Variants in PCBP2 observed in about 807,000 individuals in gnomAD.
PCBP2 encodes poly(rC) binding protein 2, also known as poly(rC)-binding protein 2.
A neutral mutation model predicts 50.1 loss-of-function variants in PCBP2; 4 were observed. That is an observed-to-expected ratio of 0.08 (90% CI 0.04 to 0.18). PCBP2 has a LOEUF of 0.18. PCBP2 is among the 10% of genes least tolerant of loss of function. PCBP2 has a pLI of 1.00. For missense variants in PCBP2, 161 were observed against 474.3 expected (o/e 0.34, Z 6.14); for synonymous variants, 179 against 168.0 (o/e 1.07, Z -0.51).
intron 6 of PCBP2, chr12:53,459,880 C>T (rs753992389): frequency 6.6e-6 from 3 of 454,396 alleles, no homozygotes; most frequent in South Asian, 4.7e-5. Context: ...CTCATCTCAG[C>T]CTCCCAAGGA....
At chr12:53,465,728 C>T (rs1042793776) in intron 9 of PCBP2, among the ~76,000 whole-genome samples, 5 of 152,100 alleles carry the variant, frequency 3.3e-5, no homozygotes, top group African/African-American at 4.8e-5. Context: ...TAGGATTCCC[C>T]GGAACAAAGT....
intron 13 of PCBP2, among the ~76,000 whole-genome samples, chr12:53,469,989 C>A (rs1056011336): frequency 6.6e-6 from 1 of 151,918 alleles, no homozygotes; most frequent in African/African-American, 2.4e-5. Context: ...TACGTGATCC[C>A]CCCCCTTCAG....
At chr12:53,468,052 G>A (rs1308231325) in intron 12 of PCBP2, 1 of 580,216 alleles carries the variant, frequency 1.7e-6, no homozygotes, top group Non-Finnish European at 3.1e-6. Context: ...AGCAGCCATA[G>A]CTGAGATCAG....
At chr12:53,459,921 C>T (rs887966388) in intron 6 of PCBP2, 4 of 447,300 alleles carry the variant, frequency 8.9e-6, no homozygotes, top group South Asian at 6.2e-5. Context: ...CCACCACACC[C>T]AAATTTTTGT....
At chr12:53,465,045 T>C (rs1326981142) in intron 9 of PCBP2, 193 bp downstream of exon 9, 1 of 510,926 alleles carries the variant, frequency 2.0e-6, no homozygotes, top group African/African-American at 2.0e-5. Flanking sequence ...ACACCAACTT[T>C]TTTTTTTTTT....
At position 53,468,800 on chromosome 12, in the gene PCBP2, A is replaced by G. The variant is rs1375797319; in HGVS notation, c.850A>G (p.Thr284Ala). The G allele has an allele frequency of 3.7e-6, 6 of 1,613,738 alleles. No individual in the cohort carries two copies. The South Asian group carries it at 5.5e-5, about 15-fold the overall frequency. The stretch of plus-strand genomic sequence containing the variant: ...AGCAGGTTTGGATGCATCTGCTCAG[A>G]CTACTTCTCATGAACTCACCATTCC... ...YWAGLDASAQ[T>A]TSHELTIPND... Residue 284 changes from threonine (T) to alanine (A), a missense_variant, in exon 13 of 15, where the codon ACT (threonine) becomes GCT (alanine). Thr to Ala is a moderately conservative substitution (Grantham distance 58). Around this residue, in one of 7 missense-constraint regions of PCBP2, gnomAD observed 51 missense variants for 193.0 expected, o/e 0.26. Coordinates refer to ENST00000546463, the MANE Select transcript of PCBP2 (RefSeq NM_031989.5).
intron 14 of PCBP2, 105 bp downstream of exon 14, chr12:53,471,912 G>A: frequency 1.3e-6 from 1 of 778,942 alleles, no homozygotes; most frequent in South Asian, 2.5e-5. Flanking sequence ...GATGGGTAAA[G>A]ATGGCCAAAA....
chr12:53,471,921 A>G, intron 14 of PCBP2, 114 bp downstream of exon 14: 2 of 814,836 alleles, frequency 2.5e-6, no homozygotes, highest in South Asian at 2.8e-5. Context: ...AGATGGCCAA[A>G]AGGTTTTTTT....
chr12:53,461,249 C>T, intron 7 of PCBP2, 106 bp downstream of exon 7: 3 of 1,282,558 alleles, frequency 2.3e-6, no homozygotes, highest in South Asian at 1.4e-5. Flanking sequence ...GTTAAGGCTT[C>T]CAGTGGGGGT....
chr12:53,458,122 C>T (rs900130031), intron 5 of PCBP2, among the ~76,000 whole-genome samples: 5 of 151,584 alleles, frequency 3.3e-5, no homozygotes, highest in Admixed American at 1.3e-4. Flanking sequence ...AGAGACGGGG[C>T]TTCACCATGT....
rs756139507 is a variant in PCBP2 at position 53,459,282 on chromosome 12, G to C, written c.254G>C (p.Ser85Thr). The C allele has an allele frequency of 3.5e-5, 56 of 1,610,750 alleles. No homozygotes were observed. Among genetic ancestry groups the C allele is most frequent in the Non-Finnish European group, 4.4e-5 (52 of 1,178,326 alleles). ...TCTTTCTTTCTGTAGGACATAAGCA[G>C]CTCTATGACCAATAGCACAGCTGCC... is the stretch of plus-strand genomic sequence containing the variant. ...IIDKLEEDIS[S>T]SMTNSTAASR... Residue 85 changes from serine (S) to threonine (T), a missense_variant, in exon 6 of 15, where the codon AGC becomes ACC. Ser to Thr is a moderately conservative substitution (Grantham distance 58, BLOSUM62 1). Around this residue, in one of 7 missense-constraint regions of PCBP2, gnomAD observed 24 missense variants for 37.1 expected, o/e 0.65. Transcript: ENST00000546463.
intron 8 of PCBP2, among the ~76,000 whole-genome samples, chr12:53,464,078 G>T (rs548044390): frequency 6.6e-6 from 1 of 152,222 alleles, no homozygotes; most frequent in South Asian, 2.1e-4. Context: ...AGTCAGAGTT[G>T]GGCAGGATAA....
Position 53,481,111 on chromosome 12 carries a change from ATATATATATATATG to A in PCBP2, c.*1682_*1695del. Reference sequence around the variant, plus strand: ...TCTTTCTGTTGATTATGTGGCGCATATATATATATATATGTATATATATATAATTTATATAAATA... The same window carrying A: ...TCTTTCTGTTGATTATGTGGCGCATATATATATATATAATTTATATAAATA... On this transcript the variant is annotated 3_prime_UTR_variant, in exon 15 of 15. Transcript: ENST00000546463. The A allele has an allele frequency of 1.8e-6, 1 of 556,396 alleles. No individual in the cohort carries two copies. The highest frequency in any genetic ancestry group is 2.5e-6 in the Non-Finnish European group (1 of 407,446). 34.5% of individuals were successfully genotyped at this position (556,396 alleles called of 1,614,324 possible).
At chr12:53,452,733 CG>C (rs1940652355) in intron 1 of PCBP2, 1 of 151,702 alleles carries the variant, frequency 6.6e-6, no homozygotes, top group South Asian at 2.1e-4. Context: ...CGGCTCCCCG[CG>C]GGGGTCAGGC....
chr12:53,452,383 C>T lies in PCBP2; in HGVS notation c.-76+7C>T, dbSNP rs1940595563. 1 of 147,812 alleles carries T rather than the reference C, an allele frequency of 6.8e-6. No homozygotes were observed. The highest frequency in any genetic ancestry group is 1.5e-5 in the Non-Finnish European group (1 of 66,984). The allele number at this position is 147,812 out of a possible 1,614,324, so 9.2% of individuals were successfully genotyped here. On this transcript the variant is annotated splice_region_variant and intron_variant, in intron 1 of 14. Coordinates refer to ENST00000546463, the MANE Select transcript of PCBP2 (RefSeq NM_031989.5). The stretch of plus-strand genomic sequence containing the variant: ...AGTCGCCTCGCGCCTGCAGGTAAGC[C>T]TAAAAATTTCCCTTGCGCCCCCGGC...
chr12:53,466,224 C>T (rs1271693915), intron 10 of PCBP2, among the ~76,000 whole-genome samples: 2 of 152,194 alleles, frequency 1.3e-5, no homozygotes, highest in African/African-American at 2.4e-5. Context: ...TTTCAGATTA[C>T]CCTGTTTCTA....
chr12:53,452,398 G>C (rs1458907115), intron 1 of PCBP2, 22 bp downstream of exon 1: 2 of 140,178 alleles, frequency 1.4e-5, no homozygotes, highest in Non-Finnish European at 3.1e-5. Flanking sequence ...AATTTCCCTT[G>C]CGCCCCCGGC....
At chr12:53,467,155 T>C in intron 10 of PCBP2, 66 bp from the exon 11 acceptor site, 1 of 1,258,714 alleles carries the variant, frequency 7.9e-7, no homozygotes, top group Non-Finnish European at 1.1e-6. Context: ...ATTTTCAAAT[T>C]CGAATGTGCT....
At chr12:53,464,571 A>T in intron 8 of PCBP2, 189 bp from the exon 9 acceptor site, 5 of 657,492 alleles carry the variant, frequency 7.6e-6, no homozygotes, top group Non-Finnish European at 5.0e-6. Context: ...CCAATTGTGC[A>T]GTGTGAAATC....
Sources: allele counts gnomAD v4.1 joint callset (sites outside exome capture counted in the v4.1 genomes callset), GRCh38; gene constraint gnomAD v4.1.1; regional missense constraint gnomAD v4.1.1; transcripts MANE v1.5; gene names NCBI Gene and HGNC (gene_info 2026-07-23, HGNC 2026-07-21).